GPR89B: variants seen among roughly 807,000 people sequenced by gnomAD.
GPR89B encodes the protein golgi pH regulator B.
A neutral mutation model predicts 52.4 loss-of-function variants in GPR89B; 25 were observed. The ratio of observed to expected loss-of-function variants is 0.48; its 90% CI spans 0.35 to 0.67. GPR89B has a LOEUF of 0.67. GPR89B is among the 30% of genes least tolerant of loss of function. The probability of loss-of-function intolerance (pLI) is 0.01; values close to 1 mark genes in which losing one functional copy is unlikely to be tolerated. For synonymous variants in GPR89B, 52 were observed against 151.2 expected (o/e 0.34, Z 4.81); for missense variants, 146 against 450.2 (o/e 0.32, Z 6.11).
At chr1:147,950,046 G>A (rs1655486165) in intron 5 of GPR89B, among the ~76,000 whole-genome samples, 1 of 147,702 alleles carries the variant, frequency 6.8e-6, no homozygotes, top group Admixed American at 6.6e-5. Flanking sequence ...CTCCCTCCCG[G>A]ACGGGGCGGC....
At chr1:147,963,362 C>T (rs1395350185) in intron 7 of GPR89B, among the ~76,000 whole-genome samples, 1 of 146,886 alleles carries the variant, frequency 6.8e-6, no homozygotes, top group Non-Finnish European at 1.5e-5. Flanking sequence ...GGTGACAGAG[C>T]AAGACTCCTT....
At position 147,993,384 on chromosome 1, in the gene GPR89B, A is replaced by T. The variant is rs1404693542; in HGVS notation, c.*467A>T. ...TTTTATCAAGCATAGCTTGGTATTTATTATGCTTGTGTGATCTAACATGAG... is the reference window on the plus strand; with the variant it reads ...TTTTATCAAGCATAGCTTGGTATTTTTTATGCTTGTGTGATCTAACATGAG... On this transcript the variant is annotated 3_prime_UTR_variant, in exon 14 of 14. Coordinates refer to ENST00000314163, the MANE Select transcript of GPR89B (RefSeq NM_016334.5). 4 of 240,664 alleles carry T rather than the reference A, an allele frequency of 1.7e-5. No homozygotes were observed. In the East Asian group the frequency reaches 4.4e-4, roughly 26 times the overall value. The allele number at this position is 240,664 out of a possible 1,614,324, so 14.9% of individuals were successfully genotyped here.
At chr1:147,929,917 T>A (rs1653405264) in intron 1 of GPR89B, among the ~76,000 whole-genome samples, 1 of 152,228 alleles carries the variant, frequency 6.6e-6, no homozygotes, top group Non-Finnish European at 1.5e-5. Flanking sequence ...TTAAAACCTT[T>A]CTAAGACTAC....
At chr1:147,977,390 C>T (rs1657923655) in intron 10 of GPR89B, among the ~76,000 whole-genome samples, 1 of 151,314 alleles carries the variant, frequency 6.6e-6, no homozygotes, top group East Asian at 1.9e-4. Context: ...AACATTTTTT[C>T]CTTCATTTCG....
At chr1:148,020,790 A>C in the GPR89B span, among the ~76,000 whole-genome samples, 4 of 151,822 alleles carry the variant, frequency 2.6e-5, no homozygotes, top group Non-Finnish European at 4.4e-5. Flanking sequence ...CAGGCTCAAG[A>C]GATTCTCATG....
intron 5 of GPR89B, among the ~76,000 whole-genome samples, chr1:147,950,167 A>G (rs1475139324): frequency 7.0e-6 from 1 of 143,644 alleles, no homozygotes; most frequent in Non-Finnish European, 1.5e-5. Flanking sequence ...GGGGCTCCTC[A>G]CTTCTCATAT....
chr1:148,002,780 A>G, the GPR89B span, among the ~76,000 whole-genome samples: 1 of 152,102 alleles, frequency 6.6e-6, no homozygotes, highest in Non-Finnish European at 1.5e-5. Flanking sequence ...ACTACACATC[A>G]TGTGCCAATT....
At chr1:147,964,220 A>G (rs1656862329) in intron 7 of GPR89B, among the ~76,000 whole-genome samples, 1 of 151,512 alleles carries the variant, frequency 6.6e-6, no homozygotes, top group Admixed American at 6.6e-5. Flanking sequence ...TACATTATGA[A>G]TCTACAATTA....
intron 10 of GPR89B, among the ~76,000 whole-genome samples, chr1:147,976,565 T>C (rs1657837768): frequency 6.8e-6 from 1 of 147,392 alleles, no homozygotes; most frequent in Admixed American, 6.8e-5. Flanking sequence ...GCCTCCTGAA[T>C]ACAGCACACT....
chr1:147,945,481 C>G (rs782741070), intron 5 of GPR89B, among the ~76,000 whole-genome samples: 74 of 152,292 alleles, frequency 4.9e-4, no homozygotes, highest in Non-Finnish European at 9.0e-4. Flanking sequence ...ATGAGACTCT[C>G]CTGCAGTAAG....
At chr1:147,978,973 C>T (rs1658044506) in intron 10 of GPR89B, among the ~76,000 whole-genome samples, 1 of 151,352 alleles carries the variant, frequency 6.6e-6, no homozygotes, top group South Asian at 2.1e-4. Flanking sequence ...GGATCCAAGG[C>T]CCTGTTGGCC....
chr1:147,962,926 C>A (rs1571279556), intron 7 of GPR89B, among the ~76,000 whole-genome samples: 2 of 146,158 alleles, frequency 1.4e-5, no homozygotes, highest in African/African-American at 2.6e-5. Flanking sequence ...AGATAATAGA[C>A]TAAAATGTAA....
the GPR89B span, among the ~76,000 whole-genome samples, chr1:147,999,168 G>C: frequency 6.6e-6 from 1 of 151,132 alleles, no homozygotes; most frequent in Admixed American, 6.6e-5. Flanking sequence ...ACAACAAACA[G>C]CTGCAGCAGC....
the GPR89B span, among the ~76,000 whole-genome samples, chr1:148,020,346 C>A: frequency 1.4e-5 from 2 of 146,948 alleles, no homozygotes; most frequent in East Asian, 3.9e-4. Context: ...TTCTCCACTG[C>A]GAGCCATTGC....
At chr1:148,023,404 T>C in the GPR89B span, among the ~76,000 whole-genome samples, 1 of 146,570 alleles carries the variant, frequency 6.8e-6, no homozygotes, top group Non-Finnish European at 1.5e-5. Context: ...GTGGTGATCA[T>C]AGGAGCGCAT....
chr1:147,962,725 T>C (rs1168170112), intron 7 of GPR89B, among the ~76,000 whole-genome samples: 5 of 151,554 alleles, frequency 3.3e-5, no homozygotes, highest in African/African-American at 7.3e-5. Flanking sequence ...GGTGAAACCC[T>C]GTCTCTACTA....
chr1:147,929,886 C>T (rs1263763765), intron 1 of GPR89B, among the ~76,000 whole-genome samples: 2 of 152,076 alleles, frequency 1.3e-5, no homozygotes, highest in African/African-American at 4.8e-5. Flanking sequence ...GTAAAAAAAC[C>T]TAGACATGTA....
chr1:147,932,557 T>C (rs2149032359), intron 1 of GPR89B, among the ~76,000 whole-genome samples: 1 of 152,276 alleles, frequency 6.6e-6, no homozygotes, highest in South Asian at 2.1e-4. Flanking sequence ...GTCACTCTCC[T>C]CAAAGCTCCC....
At chr1:147,949,572 G>A (rs1655361112) in intron 5 of GPR89B, among the ~76,000 whole-genome samples, 1 of 138,292 alleles carries the variant, frequency 7.2e-6, no homozygotes, top group Non-Finnish European at 1.6e-5. Context: ...CCGGGCGGGG[G>A]GCTGACCCCC....
Sources: allele counts gnomAD v4.1 joint callset (sites outside exome capture counted in the v4.1 genomes callset), GRCh38; gene constraint gnomAD v4.1.1; transcripts MANE v1.5; gene names NCBI Gene and HGNC (gene_info 2026-07-23, HGNC 2026-07-21).